Variants in PRKN observed in about 807,000 individuals in gnomAD.
PRKN encodes the protein E3 ubiquitin-protein ligase parkin.
PRKN carries 56 observed loss-of-function variants against 59.5 expected under a neutral mutation model. That is an observed-to-expected ratio of 0.94 (90% CI 0.76 to 1.18). The LOEUF is 1.18. Ranked by LOEUF, PRKN falls within the 50% of genes most tolerant of loss-of-function variation. The pLI is 0.00. For synonymous variants in PRKN, 250 were observed against 222.1 expected (o/e 1.13, Z -1.12); for missense variants, 657 against 596.4 (o/e 1.10, Z -1.06).
intron 7 of PRKN, among the ~76,000 whole-genome samples, chr6:161,594,901 A>G (rs748658472): frequency 5.7e-4 from 87 of 152,244 alleles, no homozygotes; most frequent in Non-Finnish European, 8.7e-4. Flanking sequence ...AAAAACAGTC[A>G]AATCAGATAG....
At chr6:161,726,511 T>G (rs1012929495) in intron 7 of PRKN, among the ~76,000 whole-genome samples, 18 of 152,212 alleles carry the variant, frequency 1.2e-4, no homozygotes, top group African/African-American at 4.3e-4. Context: ...GTCATCTTGA[T>G]CTTGAATCCA....
chr6:161,928,642 A>G (rs1439406657), intron 6 of PRKN, among the ~76,000 whole-genome samples: 1 of 152,216 alleles, frequency 6.6e-6, no homozygotes, highest in Non-Finnish European at 1.5e-5. Flanking sequence ...GCCAGACGCC[A>G]TAGTATAGTA....
At chr6:161,573,050 G>C (rs1384790592) in intron 7 of PRKN, among the ~76,000 whole-genome samples, 2 of 152,158 alleles carry the variant, frequency 1.3e-5, no homozygotes, top group Non-Finnish European at 2.9e-5. Flanking sequence ...GAAAAGAGTG[G>C]ATAGAAGGCA....
In PRKN at chr6:161,790,437, T is replaced by C. The variant is rs1273366279; in HGVS notation, c.735-4529A>G. Among the ~76,000 whole-genome samples the C allele has an allele frequency of 4.6e-5, 7 of 152,198 alleles. No individual in the cohort carries two copies. In the East Asian group the frequency reaches 1.3e-3, roughly 29 times the overall value. On this transcript the variant is annotated intron_variant, in intron 6 of 11. Transcript: ENST00000366898. ...TGGGATTCACTGAAGGTTTCTGCTATGGTCTGAATGTTTGTGTTCCCCAAA... is the reference window on the plus strand; with the variant it reads ...TGGGATTCACTGAAGGTTTCTGCTACGGTCTGAATGTTTGTGTTCCCCAAA...
intron 1 of PRKN, among the ~76,000 whole-genome samples, chr6:162,650,325 C>CGGGT: frequency 6.6e-6 from 1 of 152,030 alleles, no homozygotes; most frequent in East Asian, 2.0e-4. Flanking sequence ...CGGCCGGGCG[C>CGGGT]GGTGGCTCAC....
intron 3 of PRKN, among the ~76,000 whole-genome samples, chr6:162,257,028 A>C (rs1231334977): frequency 2.6e-5 from 4 of 152,376 alleles, no homozygotes; most frequent in Non-Finnish European, 5.9e-5. Context: ...CCAAACAGGC[A>C]CGAACAAAAG....
chr6:161,581,995 C>T lies in PRKN; in HGVS notation c.872-12579G>A, dbSNP rs1248987288. 6.6e-6 allele frequency among the ~76,000 whole-genome samples: 1 copy of T among 152,182 alleles called. No homozygotes were observed. The highest frequency in any genetic ancestry group is 1.5e-5 in the Non-Finnish European group (1 of 68,044). On this transcript the variant is annotated intron_variant, in intron 7 of 11. Transcript: ENST00000366898. This position sits in a 1 kb window ranked among gnomAD's most constrained non-coding sequence, Gnocchi z 4.5. ...CTCTCTTGTCTATTTTACATTATAA[C>T]ACCTCCAGATCAGAGAAGGAGTTTT...
At position 161,763,690 on chromosome 6, in the gene PRKN, C is replaced by T. The variant is rs113257874; in HGVS notation, c.871+22082G>A. ...CACACTCACCAGCCCCTTTCCCCCCCACAACGTGCAAAGTGCAATATCACC... is the reference window on the plus strand; with the variant it reads ...CACACTCACCAGCCCCTTTCCCCCCTACAACGTGCAAAGTGCAATATCACC... On this transcript the variant is annotated intron_variant, in intron 7 of 11. Coordinates refer to ENST00000366898, the MANE Select transcript of PRKN (RefSeq NM_004562.3). Among the ~76,000 whole-genome samples the T allele has an allele frequency of 4.2e-3, 634 of 152,188 alleles. 10 individuals carry two copies. The highest frequency in any genetic ancestry group is 0.037 in the Middle Eastern group (11 of 294).
intron 10 of PRKN, among the ~76,000 whole-genome samples, chr6:161,375,913 A>G (rs1182959205): frequency 2.6e-5 from 4 of 152,188 alleles, no homozygotes; most frequent in Non-Finnish European, 5.9e-5. Flanking sequence ...TGGATTCAAG[A>G]GAAGTGGCAT....
intron 2 of PRKN, among the ~76,000 whole-genome samples, chr6:162,332,969 G>A (rs145805581): frequency 7.2e-4 from 109 of 152,012 alleles, no homozygotes; most frequent in African/African-American, 2.6e-3. Context: ...CCCTGCACAG[G>A]GCTCTACATG....
In PRKN at chr6:161,451,816, C is replaced by T. The variant is rs1789749846; in HGVS notation, c.1084-64939G>A. ...GCTTTGGTCTTGGCAGATTTCCTGG[C>T]CAGTCCATGGAACCCTCAAAATAGG... is the stretch of plus-strand genomic sequence containing the variant. On this transcript the variant is annotated intron_variant, in intron 9 of 11. Coordinates refer to ENST00000366898, the MANE Select transcript of PRKN (RefSeq NM_004562.3). The surrounding 1 kb of genome is among the most constrained non-coding windows in gnomAD (Gnocchi z 5.9). 6.6e-6 allele frequency among the ~76,000 whole-genome samples: 1 copy of T among 152,056 alleles called. No homozygotes were observed. Among genetic ancestry groups the T allele is most frequent in the African/African-American group, 2.4e-5 (1 of 41,404 alleles).
intron 1 of PRKN, among the ~76,000 whole-genome samples, chr6:162,524,356 G>A (rs997917465): frequency 1.3e-5 from 2 of 152,082 alleles, no homozygotes; most frequent in African/African-American, 4.8e-5. Context: ...CTTATCATTT[G>A]GAGGAGTCAT....
chr6:162,096,777 T>C (rs1779754366), intron 4 of PRKN, among the ~76,000 whole-genome samples: 1 of 150,392 alleles, frequency 6.6e-6, no homozygotes, highest in Non-Finnish European at 1.5e-5. Flanking sequence ...TTTAACCTCT[T>C]TTTTTTTTAT....
intron 1 of PRKN, among the ~76,000 whole-genome samples, chr6:162,600,877 T>C (rs1245540721): frequency 6.6e-6 from 1 of 152,204 alleles, no homozygotes. Flanking sequence ...ATGCTTCCTG[T>C]ACAACTTGCA....
chr6:161,521,897 C>T (rs1340564942), intron 9 of PRKN, among the ~76,000 whole-genome samples: 1 of 152,158 alleles, frequency 6.6e-6, no homozygotes, highest in Non-Finnish European at 1.5e-5. Flanking sequence ...GCACTTGATA[C>T]TCAATCATTG....
intron 7 of PRKN, among the ~76,000 whole-genome samples, chr6:161,627,833 T>C (rs527284634): frequency 2.0e-5 from 3 of 152,366 alleles, no homozygotes; most frequent in Admixed American, 2.0e-4. Flanking sequence ...TCAGTAATGA[T>C]ACAAAGATGG....
At chr6:161,655,427 C>T (rs986243611) in intron 7 of PRKN, among the ~76,000 whole-genome samples, 1 of 140,242 alleles carries the variant, frequency 7.1e-6, no homozygotes, top group African/African-American at 2.6e-5. Context: ...CAGGCTCTCA[C>T]CACCATTGGC....
intron 7 of PRKN, among the ~76,000 whole-genome samples, chr6:161,684,907 C>T (rs1485042615): frequency 6.6e-6 from 1 of 152,074 alleles, no homozygotes; most frequent in African/African-American, 2.4e-5. Flanking sequence ...TACACCACAT[C>T]TCCATCTATT....
At chr6:162,171,364 T>A (rs928233439) in intron 4 of PRKN, among the ~76,000 whole-genome samples, 1 of 152,120 alleles carries the variant, frequency 6.6e-6, no homozygotes, top group African/African-American at 2.4e-5. Flanking sequence ...CTGTAAGATG[T>A]AAGAGTGTGA....
Sources: gnomAD v4.1 joint callset for allele counts (sites outside exome capture counted in the v4.1 genomes callset) on GRCh38, gnomAD v4.1.1 for gene constraint, Gnocchi (gnomAD v3.1) non-coding constraint, MANE v1.5 for transcripts, NCBI Gene and HGNC (gene_info 2026-07-23, HGNC 2026-07-21) for gene names.